The following PADI6 variants were observed in gnomAD, a reference collection of about 807,000 sequenced individuals.
PADI6 encodes peptidyl arginine deiminase 6.
A neutral mutation model predicts 78.2 loss-of-function variants in PADI6; 66 were observed. The observed-to-expected ratio is 0.84, with a 90% CI of 0.69 to 1.04. The LOEUF is 1.04. PADI6 is among the 50% of genes least tolerant of loss of function. The pLI is 0.00. For synonymous variants in PADI6, 397 were observed against 346.9 expected (o/e 1.14, Z -1.60); for missense variants, 854 against 866.1 (o/e 0.99, Z 0.18).
intron 13 of PADI6, among the ~76,000 whole-genome samples, chr1:17,395,899 C>T (rs540247103): frequency 6.6e-6 from 1 of 152,270 alleles, no homozygotes; most frequent in South Asian, 2.1e-4. Context: ...AAGGGGGACT[C>T]ACTTAGTACA....
At chr1:17,398,072 T>A (rs2075263667) in intron 14 of PADI6, among the ~76,000 whole-genome samples, 1 of 152,200 alleles carries the variant, frequency 6.6e-6, no homozygotes, top group African/African-American at 2.4e-5. Context: ...AAGGAGAAGC[T>A]TAGGCCCAGA....
chr1:17,392,352 T>C (rs2075195168), intron 9 of PADI6, 127 bp downstream of exon 9: 4 of 645,762 alleles, frequency 6.2e-6, no homozygotes, highest in Non-Finnish European at 8.1e-6. Flanking sequence ...GGCGGCCCTG[T>C]TCTTAGGACT....
chr1:17,393,269 C>T (rs1471954288), intron 9 of PADI6, among the ~76,000 whole-genome samples: 1 of 152,032 alleles, frequency 6.6e-6, no homozygotes, highest in Non-Finnish European at 1.5e-5. Context: ...AAGCTAAGGA[C>T]AAACAAGAGA....
chr1:17,397,322 C>T (rs1385689297), intron 14 of PADI6, among the ~76,000 whole-genome samples, 181 bp downstream of exon 14: 1 of 152,144 alleles, frequency 6.6e-6, no homozygotes, highest in Non-Finnish European at 1.5e-5. Flanking sequence ...GGCCATATGC[C>T]AATGTAGGGA....
At chr1:17,373,260 G>C (rs376699786) in intron 2 of PADI6, 27 bp downstream of exon 2, 3 of 1,609,338 alleles carry the variant, frequency 1.9e-6, no homozygotes, top group Non-Finnish European at 2.5e-6. Flanking sequence ...GAGGTGAGGG[G>C]CATCTCCCGG....
At position 17,372,328 on chromosome 1, in the gene PADI6, T is replaced by A; in HGVS notation, c.83T>A (p.Val28Glu). ...GACAGCCCTGTCCATGCCGTTTGTG[T>A]GTTGGGCACAGAAATCTGCTTGGAT... is the stretch of plus-strand genomic sequence containing the variant. ...SLDSPVHAVCVLGTEICLDLS... is the reference protein window; with the variant it reads ...SLDSPVHAVCELGTEICLDLS... Residue 28 changes from valine (V) to glutamate (E), a missense_variant, in exon 1 of 16, where the codon GTG (valine) becomes GAG (glutamate). Transcript: ENST00000619609. 1 of 1,613,906 alleles carries A rather than the reference T, an allele frequency of 6.2e-7. No homozygotes were observed. The highest frequency in any genetic ancestry group is 2.2e-5 in the East Asian group (1 of 44,844).
Position 17,373,037 on chromosome 1 carries a change from C to T in PADI6, c.117-19C>T, listed in dbSNP as rs2074977721. On this transcript the variant is annotated intron_variant, in intron 1 of 15. Transcript: ENST00000619609. Reference sequence around the variant, plus strand: ...AAGGTGTTTGTGCCCTGACGCGTGTCTCTTACCGGGCAAACCAGGTGTGCC... The same window carrying T: ...AAGGTGTTTGTGCCCTGACGCGTGTTTCTTACCGGGCAAACCAGGTGTGCC... 1 of 1,610,604 alleles carries T rather than the reference C, an allele frequency of 6.2e-7. No homozygotes were observed. Among genetic ancestry groups the T allele is most frequent in the Non-Finnish European group, 8.5e-7 (1 of 1,177,342 alleles).
At chr1:17,392,796 A>G (rs150497777) in intron 9 of PADI6, among the ~76,000 whole-genome samples, 21 of 152,334 alleles carry the variant, frequency 1.4e-4, no homozygotes, top group African/African-American at 5.0e-4. Context: ...AAAATCTGCA[A>G]ATGAAACTTA....
At chr1:17,393,870 G>GC in intron 9 of PADI6, 105 bp from the exon 10 acceptor site, 8 of 941,048 alleles carry the variant, frequency 8.5e-6, no homozygotes, top group Middle Eastern at 2.2e-4. Flanking sequence ...TGAGGGTTGA[G>GC]CAGGAGTTGG....
intron 10 of PADI6, 72 bp downstream of exon 10, chr1:17,394,154 G>T: frequency 6.4e-7 from 1 of 1,564,884 alleles, no homozygotes. Flanking sequence ...AGAAATAATG[G>T]GGCACCAAGT....
At chr1:17,376,884 G>GTTTTT (rs2075024492) in intron 3 of PADI6, among the ~76,000 whole-genome samples, 1 of 117,014 alleles carries the variant, frequency 8.5e-6, no homozygotes, top group Non-Finnish European at 2.0e-5. Flanking sequence ...GTTTTGTTTT[G>GTTTTT]TCTTGTTTTT....
chr1:17,400,039 AC>A (rs1018398473), intron 15 of PADI6, among the ~76,000 whole-genome samples: 12 of 143,380 alleles, frequency 8.4e-5, no homozygotes, highest in African/African-American at 3.2e-4. Context: ...TCCCAAAAAA[AC>A]AAACAAAACA....
chr1:17,380,171 T>C (rs2100294075), intron 4 of PADI6, among the ~76,000 whole-genome samples, 184 bp downstream of exon 4: 1 of 152,274 alleles, frequency 6.6e-6, no homozygotes, highest in African/African-American at 2.4e-5. Flanking sequence ...TTAAATTCCT[T>C]TTCTTTTGTG....
chr1:17,380,171 TTTC>T (rs1238354437), intron 4 of PADI6, among the ~76,000 whole-genome samples, 184 bp downstream of exon 4: 2 of 152,156 alleles, frequency 1.3e-5, no homozygotes, highest in Non-Finnish European at 2.9e-5. Context: ...TTAAATTCCT[TTTC>T]TTTTGTGGGG....
At chr1:17,393,599 G>C (rs1374691691) in intron 9 of PADI6, among the ~76,000 whole-genome samples, 2 of 152,278 alleles carry the variant, frequency 1.3e-5, no homozygotes, top group African/African-American at 4.8e-5. Flanking sequence ...GCCTCCTCCT[G>C]AGTAGCTGGG....
At chr1:17,395,512 G>T in intron 12 of PADI6, 28 bp from the exon 13 acceptor site, 1 of 1,546,630 alleles carries the variant, frequency 6.5e-7, no homozygotes. Flanking sequence ...TGAGAAAGCT[G>T]GCTTCTGACC....
In PADI6 at chr1:17,385,456, G is replaced by A. The variant is rs138281991; in HGVS notation, c.680-2925G>A. ...GAGGATGGAGGGTGGGGATCGGTAG[G>A]AGGATCTGGGACTGAGGTTGGGGAC... On this transcript the variant is annotated intron_variant, in intron 6 of 15. Coordinates refer to ENST00000619609, the MANE Select transcript of PADI6 (RefSeq NM_207421.4). 3.5e-3 allele frequency among the ~76,000 whole-genome samples: 538 copies of A among 152,230 alleles called. 2 individuals are homozygous for A. Among genetic ancestry groups the A allele is most frequent in the African/African-American group, 0.012 (508 of 41,542 alleles).
intron 6 of PADI6, among the ~76,000 whole-genome samples, chr1:17,386,237 G>A (rs1025375994): frequency 2.6e-5 from 4 of 152,174 alleles, no homozygotes; most frequent in African/African-American, 9.7e-5. Flanking sequence ...CTGAGGATGT[G>A]AGCCCATGAG....
At chr1:17,399,519 C>G (rs1380756105) in intron 15 of PADI6, among the ~76,000 whole-genome samples, 3 of 151,956 alleles carry the variant, frequency 2.0e-5, no homozygotes, top group Non-Finnish European at 2.9e-5. Context: ...TGCTTGAACC[C>G]CGGAGACAGA....
Sources: gnomAD v4.1 joint callset for allele counts (sites outside exome capture counted in the v4.1 genomes callset) on GRCh38, gnomAD v4.1.1 for gene constraint, MANE v1.5 for transcripts, NCBI Gene and HGNC (gene_info 2026-07-23, HGNC 2026-07-21) for gene names.